SLC16A7: variants seen among roughly 807,000 people sequenced by gnomAD.
The protein encoded by SLC16A7 is monocarboxylate transporter 2.
Under a neutral mutation model 34.9 loss-of-function variants are expected in SLC16A7, and 33 were observed. The ratio of observed to expected loss-of-function variants is 0.94; its 90% confidence interval spans 0.72 to 1.26. SLC16A7 has a LOEUF of 1.26. SLC16A7 is among the 50% of genes most tolerant of loss of function. The pLI is 0.00. For synonymous variants in SLC16A7, 201 were observed against 206.6 expected (o/e 0.97, Z 0.23); for missense variants, 573 against 578.1 (o/e 0.99, Z 0.09).
chr12:59,772,592 C>CT (rs1271392865), intron 4 of SLC16A7, among the ~76,000 whole-genome samples: 5 of 152,028 alleles, frequency 3.3e-5, no homozygotes, highest in Non-Finnish European at 7.4e-5. Flanking sequence ...TCAGCAAATA[C>CT]TTTGACTTTG....
intron 1 of SLC16A7, among the ~76,000 whole-genome samples, chr12:59,627,587 G>A (rs1049798407): frequency 3.3e-5 from 5 of 151,750 alleles, no homozygotes; most frequent in African/African-American, 7.3e-5. Context: ...AATGAAATGT[G>A]GAAATTTTCT....
intron 3 of SLC16A7, among the ~76,000 whole-genome samples, chr12:59,727,968 A>G (rs1876487363): frequency 6.6e-6 from 1 of 152,190 alleles, no homozygotes; most frequent in African/African-American, 2.4e-5. Flanking sequence ...TGTCACTATG[A>G]AAGATGATTG....
chr12:59,704,378 G>GA (rs1392223175), intron 2 of SLC16A7, among the ~76,000 whole-genome samples: 1 of 151,966 alleles, frequency 6.6e-6, no homozygotes, highest in Admixed American at 6.6e-5. Flanking sequence ...AAACAGGAAG[G>GA]AAAAATGAGA....
intron 2 of SLC16A7, among the ~76,000 whole-genome samples, chr12:59,663,186 A>T (rs978887882): frequency 6.6e-6 from 1 of 152,070 alleles, no homozygotes; most frequent in African/African-American, 2.4e-5. Context: ...TATCAAATGT[A>T]TGTCTTTGTA....
chr12:59,706,314 TC>T (rs1873560838), intron 3 of SLC16A7, among the ~76,000 whole-genome samples: 1 of 152,118 alleles, frequency 6.6e-6, no homozygotes, highest in African/African-American at 2.4e-5. Context: ...TAGGACATTA[TC>T]TTTTTGTTGT....
chr12:59,765,514 A>G (rs1490287201), intron 3 of SLC16A7, among the ~76,000 whole-genome samples: 2 of 151,928 alleles, frequency 1.3e-5, no homozygotes, highest in Admixed American at 6.6e-5. Flanking sequence ...TTTGTATAAG[A>G]TGTAAGGAAG....
intron 1 of SLC16A7, among the ~76,000 whole-genome samples, chr12:59,653,269 A>T (rs1350368860): frequency 6.6e-6 from 1 of 151,778 alleles, no homozygotes; most frequent in African/African-American, 2.4e-5. Flanking sequence ...AAAAAAGAAA[A>T]GAGAAAGAAA....
chr12:59,683,209 AG>A, intron 2 of SLC16A7, among the ~76,000 whole-genome samples: 1 of 152,218 alleles, frequency 6.6e-6, no homozygotes, highest in South Asian at 2.1e-4. Flanking sequence ...GTCTTCTGAT[AG>A]AGTGTTATGC....
At chr12:59,668,897 T>C (rs1192237697) in intron 2 of SLC16A7, among the ~76,000 whole-genome samples, 4 of 152,164 alleles carry the variant, frequency 2.6e-5, no homozygotes, top group Non-Finnish European at 5.9e-5. Context: ...GGTCTGATGG[T>C]TTTATAAAGG....
Position 59,789,146 on chromosome 12 carries a change from T to C in SLC16A7, c.*9467T>C, listed in dbSNP as rs1261270170. Reference sequence around the variant, plus strand: ...GTGGACAAGGATGTTATTTTAGTTATAATGACAACTTTAATATCTAGCAAA... The same window carrying C: ...GTGGACAAGGATGTTATTTTAGTTACAATGACAACTTTAATATCTAGCAAA... On this transcript the variant is annotated 3_prime_UTR_variant, in exon 6 of 6. Coordinates refer to ENST00000547379, the MANE Select transcript of SLC16A7 (RefSeq NM_001270623.2). The C allele has an allele frequency of 6.6e-6, 1 of 152,126 alleles. No individual in the cohort carries two copies. The highest frequency in any genetic ancestry group is 6.6e-5 in the Admixed American group (1 of 15,254). 9.4% of individuals were successfully genotyped at this position (152,126 alleles called of 1,614,324 possible).
At chr12:59,632,926 C>T (rs1880247374) in intron 1 of SLC16A7, among the ~76,000 whole-genome samples, 1 of 151,848 alleles carries the variant, frequency 6.6e-6, no homozygotes, top group Non-Finnish European at 1.5e-5. Flanking sequence ...AATTAATGGG[C>T]TGATGAGTGT....
At chr12:59,762,593 A>G (rs968140383) in intron 3 of SLC16A7, among the ~76,000 whole-genome samples, 2 of 152,090 alleles carry the variant, frequency 1.3e-5, no homozygotes, top group Admixed American at 6.6e-5. Context: ...TTCTACTACA[A>G]ATTTTTGCAT....
chr12:59,737,438 G>A (rs2706305), intron 3 of SLC16A7, among the ~76,000 whole-genome samples: 18,673 of 152,148 alleles, frequency 0.12, 1,501 homozygotes, highest in African/African-American at 0.22. Flanking sequence ...AAAATAGTCA[G>A]TCCAATCTCT....
chr12:59,768,081 T>G (rs2137426275), intron 3 of SLC16A7: 1 of 445,068 alleles, frequency 2.2e-6, no homozygotes, highest in African/African-American at 2.0e-5. Flanking sequence ...ACCCTAGAAC[T>G]TAAAGCATAA....
intron 3 of SLC16A7, among the ~76,000 whole-genome samples, chr12:59,731,378 A>C (rs1313566944): frequency 1.3e-5 from 2 of 152,174 alleles, no homozygotes; most frequent in Non-Finnish European, 2.9e-5. Flanking sequence ...TCATTTTCCA[A>C]ATTATAGAAA....
intron 2 of SLC16A7, among the ~76,000 whole-genome samples, chr12:59,704,290 A>T (rs796517320): frequency 6.6e-5 from 10 of 152,166 alleles, no homozygotes; most frequent in African/African-American, 2.4e-4. Context: ...AAGCGTAGAC[A>T]ACAGAAAGCA....
At chr12:59,748,824 T>A (rs1273671860) in intron 3 of SLC16A7, among the ~76,000 whole-genome samples, 1 of 152,216 alleles carries the variant, frequency 6.6e-6, no homozygotes, top group Non-Finnish European at 1.5e-5. Context: ...CCTATAGATA[T>A]GCACTTTAAT....
chr12:59,647,480 C>G (rs1868267324), intron 1 of SLC16A7, among the ~76,000 whole-genome samples: 1 of 152,192 alleles, frequency 6.6e-6, no homozygotes, highest in Non-Finnish European at 1.5e-5. Flanking sequence ...CCCTGTGGAA[C>G]TGTGAGTCAA....
At chr12:59,678,206 T>G (rs1177145209) in intron 2 of SLC16A7, among the ~76,000 whole-genome samples, 1 of 152,184 alleles carries the variant, frequency 6.6e-6, no homozygotes, top group African/African-American at 2.4e-5. Context: ...TCTTATTGCC[T>G]GCAACATGGC....
Sources: allele counts gnomAD v4.1 joint callset (sites outside exome capture counted in the v4.1 genomes callset), GRCh38; gene constraint gnomAD v4.1.1; transcripts MANE v1.5; gene names NCBI Gene and HGNC (gene_info 2026-07-23, HGNC 2026-07-21).